AUH: variants seen among roughly 807,000 people sequenced by gnomAD.
AUH encodes methylglutaconyl-CoA hydratase, mitochondrial.
In AUH, 29 loss-of-function variants were observed where a neutral mutation model predicts 42.3. The ratio of observed to expected loss-of-function variants is 0.69; its 90% CI spans 0.51 to 0.93. The LOEUF (loss-of-function observed/expected upper bound fraction) is 0.93, where lower values mean the gene tolerates loss of function less well. Among genes scored for constraint, AUH ranks in the 40% least tolerant of loss-of-function variants. The probability of loss-of-function intolerance (pLI) is 0.00; values close to 1 mark genes in which losing one functional copy is unlikely to be tolerated. For synonymous variants in AUH, 174 were observed against 166.4 expected (o/e 1.05, Z -0.35); for missense variants, 452 against 438.1 (o/e 1.03, Z -0.28).
At chr9:91,223,760 T>C (rs1827271305) in intron 6 of AUH, among the ~76,000 whole-genome samples, 2 of 152,190 alleles carry the variant, frequency 1.3e-5, no homozygotes, top group African/African-American at 4.8e-5. Flanking sequence ...GCCATCCTAA[T>C]GGGTGTGCAG....
intron 6 of AUH, among the ~76,000 whole-genome samples, chr9:91,282,849 C>T (rs4628374): frequency 0.14 from 21,898 of 152,082 alleles, 1,873 homozygotes; most frequent in African/African-American, 0.24. Flanking sequence ...AAGTCCAGGA[C>T]CAGACGGATT....
intron 3 of AUH, among the ~76,000 whole-genome samples, chr9:91,338,645 G>A (rs949697403): frequency 6.6e-6 from 1 of 152,164 alleles, no homozygotes; most frequent in Non-Finnish European, 1.5e-5. Context: ...TGGCCAGGCT[G>A]GTCTCGAACT....
chr9:91,244,307 G>T (rs1342231491), intron 6 of AUH, among the ~76,000 whole-genome samples: 2 of 152,172 alleles, frequency 1.3e-5, no homozygotes, highest in Non-Finnish European at 2.9e-5. Flanking sequence ...TAGAATATCA[G>T]TTAAAATAAC....
Position 91,293,886 on chromosome 9 carries a change from T to C in AUH, c.655+2135A>G, listed in dbSNP as rs1016915809. On this transcript the variant is annotated intron_variant, in intron 6 of 9. Coordinates refer to ENST00000375731, the MANE Select transcript of AUH (RefSeq NM_001698.3). Reference sequence around the variant, plus strand: ...AGCTTCAAAGGACAGACTGACTCCCTTGTTAGGGACTAATGCAGCTGGTGG... The same window carrying C: ...AGCTTCAAAGGACAGACTGACTCCCCTGTTAGGGACTAATGCAGCTGGTGG... 3.3e-5 allele frequency among the ~76,000 whole-genome samples: 5 copies of C among 152,362 alleles called. No individual in the cohort carries two copies. In the East Asian group the frequency reaches 9.6e-4, roughly 29 times the overall value.
chr9:91,338,784 A>C (rs546692138), intron 3 of AUH, among the ~76,000 whole-genome samples: 1 of 152,336 alleles, frequency 6.6e-6, no homozygotes, highest in East Asian at 1.9e-4. Context: ...GAAATAGTTG[A>C]ACAAATAGGT....
intron 6 of AUH, among the ~76,000 whole-genome samples, chr9:91,272,529 C>A (rs1202250951): frequency 1.3e-5 from 2 of 152,158 alleles, no homozygotes; most frequent in Non-Finnish European, 1.5e-5. Flanking sequence ...GTGCCCAGCA[C>A]CCTCCCACCT....
At chr9:91,354,074 A>G (rs1832219308) in intron 3 of AUH, among the ~76,000 whole-genome samples, 1 of 151,914 alleles carries the variant, frequency 6.6e-6, no homozygotes, top group African/African-American at 2.4e-5. Flanking sequence ...AGGGTGAGGC[A>G]GGAGAATCAC....
intron 6 of AUH, among the ~76,000 whole-genome samples, chr9:91,223,511 G>A (rs1827253450): frequency 6.6e-6 from 1 of 152,148 alleles, no homozygotes; most frequent in Admixed American, 6.5e-5. Flanking sequence ...TGGCTATTGT[G>A]AATAATGCTG....
Position 91,355,813 on chromosome 9 carries a change from T to G in AUH, c.418+70A>C, listed in dbSNP as rs1323603726. 25 of 1,391,884 alleles carry G rather than the reference T, an allele frequency of 1.8e-5. 1 individual carries two copies. In the East Asian group the frequency reaches 5.3e-4, roughly 29 times the overall value. 86.2% of individuals were successfully genotyped at this position (1,391,884 alleles called of 1,614,324 possible). ...GGGTTCAAACCAAAGAACATTCTAATGGAAAACAGATTACTATTGAGGAAA... is the reference window on the plus strand; with the variant it reads ...GGGTTCAAACCAAAGAACATTCTAAGGGAAAACAGATTACTATTGAGGAAA... On this transcript the variant is annotated intron_variant, in intron 3 of 9. Coordinates refer to ENST00000375731, the MANE Select transcript of AUH (RefSeq NM_001698.3).
chr9:91,319,312 C>T (rs1829392877), intron 4 of AUH, among the ~76,000 whole-genome samples: 1 of 152,140 alleles, frequency 6.6e-6, no homozygotes, highest in African/African-American at 2.4e-5. Flanking sequence ...CATCTCCTTG[C>T]TAACTTATGG....
intron 1 of AUH, among the ~76,000 whole-genome samples, chr9:91,358,792 CT>C (rs989677934): frequency 2.0e-5 from 3 of 152,164 alleles, no homozygotes; most frequent in African/African-American, 7.2e-5. Flanking sequence ...AGTACTTCCA[CT>C]TCAAAAAGCT....
intron 6 of AUH, among the ~76,000 whole-genome samples, chr9:91,278,159 A>G (rs1023697864): frequency 1.3e-5 from 2 of 152,240 alleles, no homozygotes; most frequent in African/African-American, 4.8e-5. Flanking sequence ...AGATCACACA[A>G]TAGCACTGCC....
At chr9:91,226,049 C>T (rs879868659) in intron 6 of AUH, among the ~76,000 whole-genome samples, 50 of 147,236 alleles carry the variant, frequency 3.4e-4, no homozygotes, top group Non-Finnish European at 6.3e-4. Context: ...GATTTATAGT[C>T]CTTTGGGTAT....
At chr9:91,299,943 G>A (rs1387672702) in intron 4 of AUH, among the ~76,000 whole-genome samples, 1 of 152,142 alleles carries the variant, frequency 6.6e-6, no homozygotes, top group East Asian at 1.9e-4. Flanking sequence ...CAGCTTCTAA[G>A]AGGAGTAGAG....
rs544621628 is a variant in AUH at position 91,221,401 on chromosome 9, C to T, written c.656-409G>A. Among the ~76,000 whole-genome samples the T allele has an allele frequency of 1.9e-4, 29 of 152,354 alleles. No individual in the cohort carries two copies. In the South Asian group the frequency reaches 5.4e-3, roughly 28 times the overall value. On this transcript the variant is annotated intron_variant, in intron 6 of 9. Coordinates refer to ENST00000375731, the MANE Select transcript of AUH (RefSeq NM_001698.3). ...TTCTTTCAGCTTAAATAAATCTTAA[C>T]ACATTGTGAGACATTCAACTCCTGT...
At chr9:91,285,830 A>G (rs1365625293) in intron 6 of AUH, among the ~76,000 whole-genome samples, 2 of 152,192 alleles carry the variant, frequency 1.3e-5, no homozygotes, top group Non-Finnish European at 2.9e-5. Flanking sequence ...AGGTATGTTA[A>G]TAATGTTAAT....
Position 91,296,610 on chromosome 9 carries a change from A to G in AUH, c.599-533T>C, listed in dbSNP as rs189109406. 7.7e-4 allele frequency among the ~76,000 whole-genome samples: 118 copies of G among 152,356 alleles called. 1 individual carries two copies. Among genetic ancestry groups the G allele is most frequent in the African/African-American group, 2.8e-3 (116 of 41,584 alleles). On this transcript the variant is annotated intron_variant, in intron 5 of 9. Transcript: ENST00000375731. ...TCTGTTTTCATGGCTACTTTAAAAC[A>G]TCTTAATAACTTCTTTATTTGCATA...
At chr9:91,272,639 A>G (rs1309614055) in intron 6 of AUH, among the ~76,000 whole-genome samples, 1 of 152,052 alleles carries the variant, frequency 6.6e-6, no homozygotes, top group African/African-American at 2.4e-5. Context: ...TAATTTTTCC[A>G]TCACCACATT....
At chr9:91,271,580 T>C (rs533967667) in intron 6 of AUH, among the ~76,000 whole-genome samples, 63 of 152,256 alleles carry the variant, frequency 4.1e-4, no homozygotes, top group Non-Finnish European at 8.1e-4. Flanking sequence ...CTACGTTTAG[T>C]AGGGCTTGTC....
Sources: gnomAD v4.1 joint callset for allele counts (sites outside exome capture counted in the v4.1 genomes callset) on GRCh38, gnomAD v4.1.1 for gene constraint, MANE v1.5 for transcripts, NCBI Gene and HGNC (gene_info 2026-07-23, HGNC 2026-07-21) for gene names.